The following URI1 variants were observed in gnomAD, a reference collection of about 807,000 sequenced individuals.
URI1 encodes the protein URI1 prefoldin like chaperone, also known as unconventional prefoldin RPB5 interactor 1.
A neutral mutation model predicts 60.2 loss-of-function variants in URI1; 39 were observed. The ratio of observed to expected loss-of-function variants is 0.65; its 90% CI spans 0.50 to 0.85. The LOEUF is 0.85. Among genes scored for constraint, URI1 ranks in the 40% least tolerant of loss-of-function variants. URI1 has a pLI of 0.00. For missense variants in URI1, 691 were observed against 665.9 expected (o/e 1.04, Z -0.42); for synonymous variants, 251 against 236.8 (o/e 1.06, Z -0.55).
At chr19:30,003,082 T>C (rs1026172239) in intron 4 of URI1, among the ~76,000 whole-genome samples, 1 of 152,016 alleles carries the variant, frequency 6.6e-6, no homozygotes, top group African/African-American at 2.4e-5. Context: ...ATCTCAGAGT[T>C]ATAGAAAGAA....
chr19:30,011,182 G>T lies in URI1; in HGVS notation c.1124G>T (p.Ser375Ile), dbSNP rs1377900049. The T allele has an allele frequency of 1.9e-6, 3 of 1,612,322 alleles. No homozygotes were observed. Among genetic ancestry groups the T allele is most frequent in the African/African-American group, 2.7e-5 (2 of 74,906 alleles). Residue 375 changes from serine (S) to isoleucine (I), a missense_variant, in exon 9 of 11, where the codon AGT becomes ATT. By Grantham distance (142) the Ser-to-Ile change is moderately radical. Coordinates refer to ENST00000392271, the MANE Select transcript of URI1 (RefSeq NM_003796.3). Reference protein sequence around the residue: ...AKRKRKNSTGSGHSAQELPTI... With the variant: ...AKRKRKNSTGIGHSAQELPTI... ...CGTAAACGAAAGAACAGCACTGGCA[G>T]TGGCCACTCTGCCCAGGAGCTGCCG...
At chr19:30,006,630 T>A (rs187051199) in intron 6 of URI1, among the ~76,000 whole-genome samples, 1 of 152,224 alleles carries the variant, frequency 6.6e-6, no homozygotes, top group Admixed American at 6.5e-5. Flanking sequence ...GAAACATAAT[T>A]TGATATTTTC....
chr19:29,970,048 T>C (rs2055438794), intron 1 of URI1, among the ~76,000 whole-genome samples: 1 of 151,304 alleles, frequency 6.6e-6, no homozygotes, highest in Non-Finnish European at 1.5e-5. Context: ...ATTTAAAATG[T>C]CCCAAAAGAG....
chr19:29,985,080 A>G (rs1464204870), intron 2 of URI1, 143 bp from the exon 3 acceptor site: 14 of 659,056 alleles, frequency 2.1e-5, no homozygotes, highest in Non-Finnish European at 3.3e-5. Flanking sequence ...AGATCACGCC[A>G]CTGCACTTTA....
chr19:29,994,033 T>A (rs1352239400), intron 4 of URI1, among the ~76,000 whole-genome samples: 2 of 152,036 alleles, frequency 1.3e-5, no homozygotes, highest in East Asian at 3.9e-4. Flanking sequence ...GCTGTTAAAA[T>A]CAATGCTGCA....
intron 10 of URI1, chr19:30,013,000 A>G (rs2056042275): frequency 6.5e-6 from 1 of 154,164 alleles, no homozygotes; most frequent in Non-Finnish European, 1.4e-5. Flanking sequence ...GGGATTATGG[A>G]ATTGTTTTAT....
chr19:29,929,499 A>G (rs1205926123), intron 1 of URI1, among the ~76,000 whole-genome samples: 1 of 152,168 alleles, frequency 6.6e-6, no homozygotes, highest in African/African-American at 2.4e-5. Flanking sequence ...TGGGAGGCTG[A>G]GGCAGGAGAA....
At chr19:29,956,508 A>C (rs1487460881) in intron 1 of URI1, 8 of 1,580,924 alleles carry the variant, frequency 5.1e-6, no homozygotes, top group Non-Finnish European at 6.9e-6. Flanking sequence ...TGGGTTGCTG[A>C]ATCAAAGCTG....
chr19:29,957,214 G>T (rs2055260123), intron 1 of URI1, among the ~76,000 whole-genome samples: 1 of 151,916 alleles, frequency 6.6e-6, no homozygotes, highest in Admixed American at 6.6e-5. Context: ...TAATCATAAA[G>T]TCTATTATAT....
At chr19:29,956,828 C>G (rs1362409393) in intron 1 of URI1, 1 of 1,589,786 alleles carries the variant, frequency 6.3e-7, no homozygotes, top group Non-Finnish European at 8.6e-7. Flanking sequence ...AACCCGGAGC[C>G]TCTTTTTTTT....
At chr19:29,976,133 C>T (rs1333761058) in intron 2 of URI1, among the ~76,000 whole-genome samples, 1 of 152,156 alleles carries the variant, frequency 6.6e-6, no homozygotes, top group African/African-American at 2.4e-5. Context: ...ATAATTGCTA[C>T]ATGACTGAGA....
chr19:29,943,122 T>TAAGA lies in URI1; in HGVS notation c.117+460_117+461insGAAA, dbSNP rs1555735977. ...TCACAATATAATGCCATTTAAACATTAAAAAAAAAAGAGAGTCTCACTATG... is the reference window on the plus strand; with the variant it reads ...TCACAATATAATGCCATTTAAACATTAAGAAAAAAAAAAAGAGAGTCTCACTATG... On this transcript the variant is annotated intron_variant, in intron 1 of 10. Coordinates refer to ENST00000392271, the MANE Select transcript of URI1 (RefSeq NM_003796.3). Among the ~76,000 whole-genome samples, 289 of 149,332 alleles carry TAAGA rather than the reference T, an allele frequency of 1.9e-3. 1 individual carries two copies. The highest frequency in any genetic ancestry group is 6.8e-3 in the African/African-American group (275 of 40,704).
At position 29,925,024 on chromosome 19, in the gene URI1, C is replaced by T. The variant is rs572460616; in HGVS notation, c.63+1270C>T. 7.2e-5 allele frequency among the ~76,000 whole-genome samples: 11 copies of T among 152,148 alleles called. No individual in the cohort carries two copies. The South Asian group carries it at 1.7e-3, about 23-fold the overall frequency. ...CTAATTTTTGTATTTTTGGTAGAGA[C>T]GGGGTTTCACCATGTTGGCCAGGCT... On this transcript the variant is annotated intron_variant, in intron 1 of 10. Transcript: ENST00000360605.
chr19:29,999,903 T>C (rs1404146239), intron 4 of URI1, among the ~76,000 whole-genome samples: 1 of 152,066 alleles, frequency 6.6e-6, no homozygotes, highest in Non-Finnish European at 1.5e-5. Flanking sequence ...GTAATTACTT[T>C]CTGTTTTTGG....
At chr19:29,939,978 C>T (rs1360155638), upstream of URI1, among the ~76,000 whole-genome samples, 3 of 152,156 alleles carry the variant, frequency 2.0e-5, no homozygotes, top group East Asian at 1.9e-4. Flanking sequence ...ACTGACATGA[C>T]CTGATCCCCT....
intron 2 of URI1, among the ~76,000 whole-genome samples, chr19:29,979,269 G>A (rs2055563462): frequency 6.6e-6 from 1 of 151,664 alleles, no homozygotes; most frequent in Non-Finnish European, 1.5e-5. Flanking sequence ...TAGAAAATTT[G>A]GAAAATAAAA....
intron 4 of URI1, among the ~76,000 whole-genome samples, chr19:29,991,724 G>T (rs1177902399): frequency 2.6e-5 from 4 of 152,130 alleles, no homozygotes; most frequent in Admixed American, 6.5e-5. Context: ...TGTTAAGTGT[G>T]TGTTAGCTGT....
intron 4 of URI1, among the ~76,000 whole-genome samples, chr19:30,004,033 A>G (rs1357514960): frequency 1.3e-5 from 2 of 151,954 alleles, no homozygotes; most frequent in Non-Finnish European, 2.9e-5. Flanking sequence ...CAGCTCCTTG[A>G]GTTATTAGGC....
intron 1 of URI1, among the ~76,000 whole-genome samples, chr19:29,943,616 G>A (rs2055060991): frequency 6.6e-6 from 1 of 152,102 alleles, no homozygotes; most frequent in South Asian, 2.1e-4. Flanking sequence ...AAGAACGACT[G>A]TTTACATAGA....
Sources: gnomAD v4.1 joint callset for allele counts (sites outside exome capture counted in the v4.1 genomes callset) on GRCh38, gnomAD v4.1.1 for gene constraint, MANE v1.5 for transcripts, NCBI Gene and HGNC (gene_info 2026-07-23, HGNC 2026-07-21) for gene names.